The following ZNF148 variants were observed in gnomAD, a reference collection of about 807,000 sequenced individuals.
ZNF148 encodes the protein zinc finger protein 148.
A neutral mutation model predicts 67.7 loss-of-function variants in ZNF148; 7 were observed. The ratio of observed to expected loss-of-function variants is 0.10; its 90% CI spans 0.06 to 0.19. The LOEUF (loss-of-function observed/expected upper bound fraction) is 0.19. Among genes scored for constraint, ZNF148 ranks in the 10% least tolerant of loss-of-function variants. The pLI is 1.00. For missense variants in ZNF148, 583 were observed against 947.1 expected (o/e 0.62, Z 5.05); for synonymous variants, 333 against 330.7 (o/e 1.01, Z -0.08).
chr3:125,327,748 A>C (rs910568343), intron 2 of ZNF148, among the ~76,000 whole-genome samples: 6 of 152,252 alleles, frequency 3.9e-5, no homozygotes, highest in African/African-American at 1.4e-4. Flanking sequence ...TTGGAAATTA[A>C]ACTTCAAACT....
chr3:125,263,091 T>C (rs4679162), intron 7 of ZNF148, among the ~76,000 whole-genome samples: 120,248 of 152,164 alleles, frequency 0.79, 48,328 homozygotes, highest in African/African-American at 0.92. Flanking sequence ...TTTGAAAACA[T>C]CTTGACATTT....
chr3:125,242,958 A>G (rs986068027), intron 7 of ZNF148, among the ~76,000 whole-genome samples: 1 of 152,164 alleles, frequency 6.6e-6, no homozygotes, highest in African/African-American at 2.4e-5. Flanking sequence ...AATCTTCCTC[A>G]TTGCTTTTTC....
At chr3:125,315,084 G>T (rs548046760) in intron 3 of ZNF148, 1 of 152,000 alleles carries the variant, frequency 6.6e-6, no homozygotes, top group East Asian at 1.9e-4. Flanking sequence ...TAAAAATAAA[G>T]GTCAAAGATG....
At chr3:125,270,758 C>T (rs541184249) in intron 7 of ZNF148, among the ~76,000 whole-genome samples, 21 of 152,208 alleles carry the variant, frequency 1.4e-4, no homozygotes, top group Non-Finnish European at 2.5e-4. Context: ...ACCTGTAGTC[C>T]CAGAAACTCA....
chr3:125,371,830 G>C (rs564219663), intron 1 of ZNF148, among the ~76,000 whole-genome samples: 2 of 151,682 alleles, frequency 1.3e-5, no homozygotes, highest in Non-Finnish European at 2.9e-5. Context: ...TTTGGGAGAC[G>C]GAGGCGGGTA....
intron 3 of ZNF148, among the ~76,000 whole-genome samples, chr3:125,318,737 T>C (rs919935961): frequency 9.2e-5 from 14 of 152,096 alleles, no homozygotes; most frequent in African/African-American, 3.4e-4. Flanking sequence ...GAGGCAATCC[T>C]TCCTCTGCAC....
chr3:125,298,119 A>C (rs1380179850), intron 4 of ZNF148, among the ~76,000 whole-genome samples: 1 of 152,160 alleles, frequency 6.6e-6, no homozygotes, highest in African/African-American at 2.4e-5. Flanking sequence ...AAGTCAGGTA[A>C]AACTAATAGA....
chr3:125,356,997 G>A (rs1486163960), intron 1 of ZNF148: 1 of 152,234 alleles, frequency 6.6e-6, no homozygotes, highest in Non-Finnish European at 1.5e-5. Context: ...ACGTGAAACT[G>A]TAAACACAAT....
intron 7 of ZNF148, among the ~76,000 whole-genome samples, chr3:125,238,388 G>T (rs939072173): frequency 6.6e-6 from 1 of 152,170 alleles, no homozygotes; most frequent in East Asian, 1.9e-4. Flanking sequence ...AACACTTTGG[G>T]AGGCAGAGGC....
chr3:125,311,063 T>C (rs1461693734), intron 4 of ZNF148: 1 of 208,364 alleles, frequency 4.8e-6, no homozygotes, highest in Non-Finnish European at 1.0e-5. Flanking sequence ...ATACCACCTA[T>C]GGAGAAAGCT....
At chr3:125,343,434 C>T (rs999971902) in intron 1 of ZNF148, among the ~76,000 whole-genome samples, 1 of 150,052 alleles carries the variant, frequency 6.7e-6, no homozygotes, top group African/African-American at 2.5e-5. Context: ...TGCTCTGTAG[C>T]TAGCAAGGGG....
intron 5 of ZNF148, among the ~76,000 whole-genome samples, 156 bp from the exon 6 acceptor site, chr3:125,279,403 T>C (rs897611167): frequency 2.6e-5 from 4 of 152,196 alleles, no homozygotes; most frequent in African/African-American, 9.6e-5. Flanking sequence ...AGAATAATGT[T>C]ATCATTAACT....
Position 125,277,702 on chromosome 3 carries a change from C to G in ZNF148, c.667+24G>C, listed in dbSNP as rs183524616. ...ATTTGAAATAATCATTTTAATGAAC[C>G]TAGTAAGGGTGGTTAACACTCACCA... On this transcript the variant is annotated intron_variant, in intron 7 of 8. Coordinates refer to ENST00000360647, the MANE Select transcript of ZNF148 (RefSeq NM_021964.3). 628 of 1,577,550 alleles carry G rather than the reference C, an allele frequency of 4.0e-4. 1 individual carries two copies. The highest frequency in any genetic ancestry group is 1.4e-3 in the Admixed American group (73 of 52,948).
intron 7 of ZNF148, among the ~76,000 whole-genome samples, chr3:125,256,822 TTC>T (rs1373835980): frequency 4.3e-4 from 66 of 152,208 alleles, no homozygotes; most frequent in Admixed American, 3.3e-3. Context: ...CCATGTCTCT[TTC>T]TCTGTTTTCA....
chr3:125,342,713 A>G (rs1441763032), intron 1 of ZNF148, among the ~76,000 whole-genome samples: 1 of 152,234 alleles, frequency 6.6e-6, no homozygotes, highest in African/African-American at 2.4e-5. Context: ...AAACAACAGA[A>G]AGAACGGAAA....
At chr3:125,266,136 C>T (rs1027208241) in intron 7 of ZNF148, among the ~76,000 whole-genome samples, 1 of 152,130 alleles carries the variant, frequency 6.6e-6, no homozygotes, top group South Asian at 2.1e-4. Context: ...TTCAACATCC[C>T]ACTGACAGCC....
intron 5 of ZNF148, among the ~76,000 whole-genome samples, chr3:125,286,584 C>T (rs191282689): frequency 6.6e-6 from 1 of 152,186 alleles, no homozygotes; most frequent in African/African-American, 2.4e-5. Context: ...TGATTTAAAA[C>T]AGAAACAAAA....
At chr3:125,351,225 A>T (rs773198358) in intron 1 of ZNF148, among the ~76,000 whole-genome samples, 3 of 152,094 alleles carry the variant, frequency 2.0e-5, no homozygotes, top group African/African-American at 7.2e-5. Context: ...TAATTTAAAA[A>T]TTTAAAATTA....
chr3:125,287,315 C>T (rs1402147406), intron 5 of ZNF148, among the ~76,000 whole-genome samples: 2 of 152,082 alleles, frequency 1.3e-5, no homozygotes, highest in African/African-American at 4.8e-5. Flanking sequence ...ACCAAAAATG[C>T]TGTATACATT....
Sources: allele counts gnomAD v4.1 joint callset (sites outside exome capture counted in the v4.1 genomes callset), GRCh38; gene constraint gnomAD v4.1.1; transcripts MANE v1.5; gene names NCBI Gene and HGNC (gene_info 2026-07-23, HGNC 2026-07-21).